Variants in SP100 observed in about 807,000 individuals in gnomAD.
SP100 encodes SP100 nuclear body protein, also known as nuclear autoantigen Sp-100.
SP100 carries 84 observed loss-of-function variants against 130.0 expected under a neutral mutation model. The observed-to-expected ratio is 0.65, with a 90% CI of 0.54 to 0.77. SP100 has a LOEUF of 0.77. Ranked by LOEUF, SP100 falls within the 30% of genes least tolerant of loss-of-function variation. The pLI is 0.00. For synonymous variants in SP100, 331 were observed against 351.7 expected (o/e 0.94, Z 0.66); for missense variants, 978 against 1,052.2 (o/e 0.93, Z 0.97).
intron 22 of SP100, chr2:230,506,695 C>T: frequency 1.2e-5 from 4 of 343,182 alleles, no homozygotes; most frequent in Admixed American, 4.3e-5. Context: ...CTTGACTCTG[C>T]CATTAATAAA....
intron 24 of SP100, among the ~76,000 whole-genome samples, chr2:230,526,114 C>T (rs991757284): frequency 3.9e-5 from 6 of 152,206 alleles, no homozygotes; most frequent in Non-Finnish European, 7.3e-5. Flanking sequence ...AAGCGGGTCC[C>T]TGACCCCCAG....
At chr2:230,466,397 C>T (rs761957006) in intron 12 of SP100, 43 bp downstream of exon 12, 3 of 1,005,710 alleles carry the variant, frequency 3.0e-6, no homozygotes, top group Non-Finnish European at 4.7e-6. Context: ...AAAATAACTT[C>T]TCTTCATGGT....
At position 230,506,362 on chromosome 2, in the gene SP100, G is replaced by A; in HGVS notation, c.1930G>A (p.Glu644Lys). 1 of 1,614,006 alleles carries A rather than the reference G, an allele frequency of 6.2e-7. No homozygotes were observed. ...DKKWFTPREF[E>K]IEGDRGASKN... Reference sequence around the variant, plus strand: ...AAAGTGGTTCACTCCCAGGGAATTTGAAATTGAAGGAGACCGCGGAGCATC... The same window carrying A: ...AAAGTGGTTCACTCCCAGGGAATTTAAAATTGAAGGAGACCGCGGAGCATC... Residue 644 changes from glutamate (E) to lysine (K), a missense_variant, in exon 22 of 29, where the codon GAA becomes AAA. Transcript: ENST00000340126.
rs188654768 is a variant in SP100, at chr2:230,491,370, T to C, written c.1601-3046T>C. ...GTCCCTGAGCCTCTGGCTGGAGTTA[T>C]TGGAGTTCCTGCAGGGAAGCCCCAC... On this transcript the variant is annotated intron_variant, in intron 17 of 28. Transcript: ENST00000340126. 3.2e-4 allele frequency among the ~76,000 whole-genome samples: 48 copies of C among 152,330 alleles called. No individual in the cohort carries two copies. In the East Asian group the frequency reaches 8.5e-3, roughly 27 times the overall value.
chr2:230,506,814 CACACACACACATATTTA>C, intron 22 of SP100: 7 of 153,336 alleles, frequency 4.6e-5, no homozygotes, highest in Non-Finnish European at 8.3e-5. Flanking sequence ...CACACACACA[CACACACACACATATTTA>C]ACATATATAT....
At chr2:230,474,304 G>A (rs767152326) in intron 16 of SP100, 90 bp from the exon 17 acceptor site, 63 of 712,634 alleles carry the variant, frequency 8.8e-5, no homozygotes, top group African/African-American at 1.7e-4. Context: ...TGTTATAAAC[G>A]CAAGCCTTCC....
At chr2:230,457,746 A>AT (rs2064356632) in intron 8 of SP100, among the ~76,000 whole-genome samples, 1 of 151,994 alleles carries the variant, frequency 6.6e-6, no homozygotes, top group Non-Finnish European at 1.5e-5. Context: ...TTGCAAAGGT[A>AT]TTTTCATGCA....
intron 17 of SP100, among the ~76,000 whole-genome samples, chr2:230,492,298 C>T (rs545576794): frequency 3.9e-5 from 6 of 152,160 alleles, no homozygotes; most frequent in South Asian, 2.1e-4. Context: ...CCCTGTTTTT[C>T]GTTTGTTTGT....
At chr2:230,435,209 G>T (rs1028130518) in intron 2 of SP100, among the ~76,000 whole-genome samples, 1 of 152,042 alleles carries the variant, frequency 6.6e-6, no homozygotes, top group South Asian at 2.1e-4. Context: ...CAATCTAATG[G>T]GTGAGAAATG....
At chr2:230,419,422 C>G (rs1007021277) in intron 2 of SP100, among the ~76,000 whole-genome samples, 2 of 152,124 alleles carry the variant, frequency 1.3e-5, no homozygotes, top group African/African-American at 4.8e-5. Context: ...GTGATCAGAT[C>G]GACTGTCCTG....
At chr2:230,526,053 G>T (rs568543041) in intron 24 of SP100, among the ~76,000 whole-genome samples, 1 of 152,326 alleles carries the variant, frequency 6.6e-6, no homozygotes, top group African/African-American at 2.4e-5. Flanking sequence ...AGAGAGCAGT[G>T]GTTCTCTCAG....
At chr2:230,539,108 T>C (rs1692064328) in intron 24 of SP100, 159 bp from the exon 25 acceptor site, 1 of 496,872 alleles carries the variant, frequency 2.0e-6, no homozygotes, top group Admixed American at 3.0e-5. Flanking sequence ...CTACTGAACT[T>C]TGCCGCAGAC....
intron 24 of SP100, chr2:230,515,472 G>A (rs1055584385): frequency 5.6e-6 from 9 of 1,613,610 alleles, no homozygotes; most frequent in African/African-American, 4.0e-5. Context: ...AGGCTGCAAA[G>A]CTGAAGGAAA....
At chr2:230,526,469 GA>G (rs1489234977) in intron 24 of SP100, among the ~76,000 whole-genome samples, 11 of 152,196 alleles carry the variant, frequency 7.2e-5, no homozygotes, top group Non-Finnish European at 2.9e-5. Flanking sequence ...AACCACAGCA[GA>G]AAAGCTGAAA....
At chr2:230,506,202 G>C (rs1690086956) in intron 21 of SP100, 101 bp from the exon 22 acceptor site, 2 of 1,274,048 alleles carry the variant, frequency 1.6e-6, no homozygotes, top group Admixed American at 2.0e-5. Flanking sequence ...TTACTGCTAC[G>C]ATCCTAAGCC....
At chr2:230,470,236 TTTTAGAAA>T (rs2065199979) in intron 15 of SP100, 138 bp downstream of exon 15, 2 of 1,336,376 alleles carry the variant, frequency 1.5e-6, no homozygotes, top group Middle Eastern at 2.0e-4. Flanking sequence ...CCTTTTTGCA[TTTTAGAAA>T]ATGGAAAGAG....
At chr2:230,516,204 T>C (rs955819702) in intron 24 of SP100, 6 of 330,430 alleles carry the variant, frequency 1.8e-5, no homozygotes, top group Non-Finnish European at 2.6e-5. Context: ...CTTGAAAATA[T>C]GACACTCTAG....
At position 230,515,360 on chromosome 2, in the gene SP100, T is replaced by C. The variant is rs1690852155; in HGVS notation, c.2094+4194T>C. The C allele has an allele frequency of 3.1e-6, 5 of 1,613,744 alleles. No individual in the cohort carries two copies. In the East Asian group the frequency reaches 8.9e-5, roughly 29 times the overall value. The stretch of plus-strand genomic sequence containing the variant: ...TTCTGCTCTGAGTATCGCCCAAAAA[T>C]CAAAGGAGAACATCCTGGCCTGTCC... On this transcript the variant is annotated intron_variant, in intron 24 of 28. Transcript: ENST00000340126.
Position 230,470,058 on chromosome 2 carries a change from G to A in SP100, c.1389G>A (p.Glu463=), listed in dbSNP as rs760352206. The change falls in exon 15 of 29, where the codon GAG becomes GAA. Residue 463 remains glutamate (E), a synonymous_variant. Coordinates refer to ENST00000340126, the MANE Select transcript of SP100 (RefSeq NM_001080391.2). ...SDFSDLSNGE[E]LQETCSSSLR... ...TTTCAGACCTGAGTAATGGAGAAGA[G>A]CTTCAGGAAACCTGCAGCTCATCCC... The A allele has an allele frequency of 1.2e-6, 2 of 1,612,338 alleles. No homozygotes were observed. The highest frequency in any genetic ancestry group is 1.3e-5 in the African/African-American group (1 of 74,988).
Sources: allele counts gnomAD v4.1 joint callset (sites outside exome capture counted in the v4.1 genomes callset), GRCh38; gene constraint gnomAD v4.1.1; transcripts MANE v1.5; gene names NCBI Gene and HGNC (gene_info 2026-07-23, HGNC 2026-07-21).